Variants in SNTG2 observed in about 807,000 individuals in gnomAD.
SNTG2 encodes gamma-2-syntrophin.
Under a neutral mutation model 70.9 loss-of-function variants are expected in SNTG2, and 74 were observed. The observed-to-expected ratio is 1.04, with a 90% CI of 0.86 to 1.27. SNTG2 has a LOEUF of 1.27. Among genes scored for constraint, SNTG2 ranks in the 50% most tolerant of loss-of-function variants. The pLI, the probability that SNTG2 is intolerant of heterozygous loss-of-function variation, is 0.00. For synonymous variants in SNTG2, 278 were observed against 273.8 expected (o/e 1.02, Z -0.15); for missense variants, 717 against 690.7 (o/e 1.04, Z -0.43).
At position 1,297,090 on chromosome 2, in the gene SNTG2, TAGC is replaced by T. The variant is rs144158185; in HGVS notation, c.1285-11401_1285-11399del. On this transcript the variant is annotated intron_variant, in intron 14 of 16. Transcript: ENST00000308624. ...TTCCTCCATACTTCCCTGAAGGAAGTAGCAGAAGTTTCGAATTGCCCCGTTCTA... is the reference window on the plus strand; with the variant it reads ...TTCCTCCATACTTCCCTGAAGGAAGTAGAAGTTTCGAATTGCCCCGTTCTA... 8.7e-3 allele frequency among the ~76,000 whole-genome samples: 1,325 copies of T among 152,242 alleles called. 20 individuals are homozygous for T. The highest frequency in any genetic ancestry group is 0.031 in the Middle Eastern group (9 of 294).
chr2:1,169,536 C>T, intron 7 of SNTG2, among the ~76,000 whole-genome samples: 1 of 152,188 alleles, frequency 6.6e-6, no homozygotes, highest in East Asian at 1.9e-4. Flanking sequence ...TAGCACTGAG[C>T]CTGTGTTTCC....
intron 8 of SNTG2, among the ~76,000 whole-genome samples, chr2:1,193,050 G>T (rs1042391595): frequency 6.6e-6 from 1 of 152,196 alleles, no homozygotes; most frequent in Non-Finnish European, 1.5e-5. Flanking sequence ...GGGAGGAGGG[G>T]GCTGCTGAGG....
chr2:1,227,061 C>T (rs1032667957), intron 9 of SNTG2, among the ~76,000 whole-genome samples: 2 of 152,228 alleles, frequency 1.3e-5, no homozygotes, highest in African/African-American at 4.8e-5. Context: ...TATAAGTGTC[C>T]TTGTACATTC....
chr2:1,000,766 T>G (rs1659349929), intron 1 of SNTG2, among the ~76,000 whole-genome samples: 1 of 151,450 alleles, frequency 6.6e-6, no homozygotes, highest in African/African-American at 2.4e-5. Context: ...ACTCATTCTA[T>G]GAAACCAGTA....
chr2:1,300,493 G>C (rs183766431), intron 14 of SNTG2, among the ~76,000 whole-genome samples: 236 of 152,292 alleles, frequency 1.5e-3, no homozygotes, highest in African/African-American at 5.2e-3. Flanking sequence ...TGCGGCCCCA[G>C]GGTGCACATT....
chr2:1,042,934 A>G (rs1390910660), intron 1 of SNTG2, among the ~76,000 whole-genome samples: 1 of 152,244 alleles, frequency 6.6e-6, no homozygotes, highest in Non-Finnish European at 1.5e-5. Context: ...AAGTAACTTA[A>G]GAAATCTACA....
chr2:1,064,393 T>G (rs1663017359), intron 1 of SNTG2, among the ~76,000 whole-genome samples: 1 of 151,648 alleles, frequency 6.6e-6, no homozygotes, highest in South Asian at 2.1e-4. Flanking sequence ...TCCACATATG[T>G]AATTTATGTA....
At chr2:1,151,473 T>A (rs1669492301) in intron 6 of SNTG2, among the ~76,000 whole-genome samples, 1 of 152,174 alleles carries the variant, frequency 6.6e-6, no homozygotes, top group Non-Finnish European at 1.5e-5. Context: ...TTCTGCCTGT[T>A]TCCAAACCCA....
At chr2:1,153,480 A>C (rs1669655727) in intron 6 of SNTG2, among the ~76,000 whole-genome samples, 1 of 152,232 alleles carries the variant, frequency 6.6e-6, no homozygotes, top group Non-Finnish European at 1.5e-5. Flanking sequence ...ATTATAAAGA[A>C]AATATTATAT....
At chr2:1,004,181 C>A (rs1262819165) in intron 1 of SNTG2, among the ~76,000 whole-genome samples, 1 of 152,138 alleles carries the variant, frequency 6.6e-6, no homozygotes, top group Non-Finnish European at 1.5e-5. Context: ...TGTCCTGTGA[C>A]AAAAACTAAA....
intron 16 of SNTG2, among the ~76,000 whole-genome samples, chr2:1,361,866 T>G (rs1661177064): frequency 9.4e-6 from 1 of 106,598 alleles, no homozygotes. Context: ...AGAACTTCCA[T>G]GAAAGTCACC....
At chr2:981,570 C>T (rs988217768) in intron 1 of SNTG2, among the ~76,000 whole-genome samples, 1 of 152,086 alleles carries the variant, frequency 6.6e-6, no homozygotes, top group Non-Finnish European at 1.5e-5. Flanking sequence ...TGCCTGCACA[C>T]ACATACGTAT....
At chr2:1,334,689 G>A (rs146322401) in intron 16 of SNTG2, among the ~76,000 whole-genome samples, 1,680 of 152,240 alleles carry the variant, frequency 0.011, 28 homozygotes, top group African/African-American at 0.038. Context: ...AGTAACTCAG[G>A]AATGGAAAAC....
chr2:1,054,991 A>C (rs1007804738), intron 1 of SNTG2, among the ~76,000 whole-genome samples: 2 of 146,788 alleles, frequency 1.4e-5, no homozygotes, highest in Non-Finnish European at 3.0e-5. Flanking sequence ...TCTTTATTTC[A>C]TTCAGAAAAC....
intron 14 of SNTG2, among the ~76,000 whole-genome samples, chr2:1,296,086 C>A (rs1324280425): frequency 1.7e-5 from 2 of 115,178 alleles, no homozygotes; most frequent in African/African-American, 6.6e-5. Context: ...TCCATCGATG[C>A]CTTCCACTGT....
chr2:1,147,496 G>C, intron 6 of SNTG2, among the ~76,000 whole-genome samples: 1 of 152,196 alleles, frequency 6.6e-6, no homozygotes, highest in Middle Eastern at 3.2e-3. Context: ...TTGAACATCA[G>C]ACTTCAAGTT....
At chr2:1,232,839 A>G (rs1676349431) in intron 9 of SNTG2, among the ~76,000 whole-genome samples, 1 of 152,222 alleles carries the variant, frequency 6.6e-6, no homozygotes, top group African/African-American at 2.4e-5. Flanking sequence ...TTTTGTCTCG[A>G]GTACTCGTAA....
chr2:1,164,855 AGAG>A (rs1457341946), intron 6 of SNTG2, among the ~76,000 whole-genome samples: 1 of 152,242 alleles, frequency 6.6e-6, no homozygotes, highest in Non-Finnish European at 1.5e-5. Context: ...AGGATACAGC[AGAG>A]GAGGGTTATG....
chr2:1,087,248 A>G (rs990425307), intron 2 of SNTG2, among the ~76,000 whole-genome samples: 2 of 152,206 alleles, frequency 1.3e-5, no homozygotes, highest in Non-Finnish European at 2.9e-5. Flanking sequence ...TCTTGTCCTC[A>G]TGGCTGTGCT....
Sources: gnomAD v4.1 joint callset for allele counts (sites outside exome capture counted in the v4.1 genomes callset) on GRCh38, gnomAD v4.1.1 for gene constraint, MANE v1.5 for transcripts, NCBI Gene and HGNC (gene_info 2026-07-23, HGNC 2026-07-21) for gene names.